Variants in PPM1K observed in about 807,000 individuals in gnomAD.
The protein encoded by PPM1K is protein phosphatase, Mg2+/Mn2+ dependent 1K.
A neutral mutation model predicts 32.6 loss-of-function variants in PPM1K; 19 were observed. That is an observed-to-expected ratio of 0.58 (90% CI 0.41 to 0.86). The LOEUF is 0.86. PPM1K is among the 40% of genes least tolerant of loss of function. The pLI, the probability that PPM1K is intolerant of heterozygous loss-of-function variation, is 0.00. For missense variants in PPM1K, 362 were observed against 461.2 expected, an observed-to-expected ratio of 0.78 and a Z score of 1.97; for synonymous variants, 159 against 165.3, an observed-to-expected ratio of 0.96 and a Z score of 0.29.
At chr4:88,276,000 A>G (rs1731751464) in intron 3 of PPM1K, 1 of 985,286 alleles carries the variant, frequency 1.0e-6, no homozygotes, top group South Asian at 4.7e-5. Context: ...GTGGACTGTA[A>G]TGCTTTCCTG....
Position 88,278,679 on chromosome 4 carries a change from G to T in PPM1K, c.-59-37C>A. Reference sequence around the variant, plus strand: ...ATGATGCAAGTCACAGGGGACAGAGGGAGAGAGGGGCAGAGGAGGAGAGGG... The same window carrying T: ...ATGATGCAAGTCACAGGGGACAGAGTGAGAGAGGGGCAGAGGAGGAGAGGG... On this transcript the variant is annotated intron_variant, in intron 1 of 6. Coordinates refer to ENST00000608933, the MANE Select transcript of PPM1K (RefSeq NM_152542.5). This position sits in a 1 kb window ranked among gnomAD's most constrained non-coding sequence, Gnocchi z 4.2. 3.1e-6 allele frequency: 3 copies of T among 974,744 alleles called. No homozygotes were observed. The East Asian group carries it at 7.7e-5, about 25-fold the overall frequency. The allele number at this position is 974,744 out of a possible 1,614,324, so 60.4% of individuals were successfully genotyped here.
rs1033624233 is a variant in PPM1K, at chr4:88,264,892, T to C, written c.987+109A>G. The stretch of plus-strand genomic sequence containing the variant: ...AAAAATTTTATAATTGGAAATATTA[T>C]GGAATCAAGTGTAAAATTCACTGCA... On this transcript the variant is annotated intron_variant, in intron 6 of 6. Transcript: ENST00000608933. The C allele has an allele frequency of 5.4e-6, 6 of 1,111,060 alleles. No individual in the cohort carries two copies. In the Admixed American group the frequency reaches 7.7e-5, roughly 14 times the overall value. The allele number at this position is 1,111,060 out of a possible 1,614,324, so 68.8% of individuals were successfully genotyped here. A position where few individuals can be genotyped will look rare whatever the true frequency, so the allele number is the denominator to read the frequency against.
Position 88,278,321 on chromosome 4 carries a change from G to A in PPM1K, c.263C>T (p.Pro88Leu), listed in dbSNP as rs141817481. Residue 88 changes from proline (P) to leucine (L), a missense_variant, in exon 2 of 7, where the codon CCC becomes CTC. Pro to Leu is a moderately conservative substitution (Grantham distance 98). Transcript: ENST00000608933. This position sits in a 1 kb window ranked among gnomAD's most constrained non-coding sequence, Gnocchi z 4.2. The part of the protein sequence containing the change: ...PPSIKYGKPI[P>L]KISLENVGCA... ...CCCCACATTTTCCAAGCTGATTTTG[G>A]GAATTGGCTTGCCATACTTAATGCT... is the stretch of plus-strand genomic sequence containing the variant. 1.9e-6 allele frequency: 3 copies of A among 1,614,028 alleles called. No individual in the cohort carries two copies. The highest frequency in any genetic ancestry group is 2.7e-5 in the African/African-American group (2 of 74,910).
intron 6 of PPM1K, among the ~76,000 whole-genome samples, chr4:88,263,897 A>G (rs72877286): frequency 0.024 from 3,588 of 152,328 alleles, 144 homozygotes; most frequent in African/African-American, 0.081. Flanking sequence ...TAGACATCAG[A>G]ATGTTTATTA....
At chr4:88,270,631 C>T (rs1455592812) in intron 3 of PPM1K, among the ~76,000 whole-genome samples, 1 of 152,162 alleles carries the variant, frequency 6.6e-6, no homozygotes, top group Non-Finnish European at 1.5e-5. Context: ...ATTTAATATT[C>T]CTTCCATTTG....
chr4:88,278,698 G>A lies in PPM1K; in HGVS notation c.-59-56C>T, dbSNP rs1011975503. 1 of 758,934 alleles carries A rather than the reference G, an allele frequency of 1.3e-6. No homozygotes were observed. The highest frequency in any genetic ancestry group is 1.8e-5 in the African/African-American group (1 of 56,894). The allele number at this position is 758,934 out of a possible 1,614,324, so 47.0% of individuals were successfully genotyped here. A position where few individuals can be genotyped will look rare whatever the true frequency, so the allele number is the denominator to read the frequency against. On this transcript the variant is annotated intron_variant, in intron 1 of 6. Transcript: ENST00000608933. This position sits in a 1 kb window ranked among gnomAD's most constrained non-coding sequence, Gnocchi z 4.2. ...ACAGAGGGAGAGAGGGGCAGAGGAG[G>A]AGAGGGAGAGAGACAGAGAGAGAGA...
chr4:88,276,757 G>A, intron 3 of PPM1K: 1 of 999,562 alleles, frequency 1.0e-6, no homozygotes, highest in Non-Finnish European at 1.2e-6. Flanking sequence ...GTGTATTTCA[G>A]CACTTGGTCA....
chr4:88,281,427 T>C (rs1447803753), intron 1 of PPM1K, among the ~76,000 whole-genome samples: 3 of 152,162 alleles, frequency 2.0e-5, no homozygotes, highest in Non-Finnish European at 4.4e-5. Flanking sequence ...AAATATCCAC[T>C]GGAAACATTT....
rs950951591 is a variant in PPM1K at position 88,275,380 on chromosome 4, A to C, written c.541+1763T>G. On this transcript the variant is annotated intron_variant, in intron 3 of 6. Transcript: ENST00000608933. ...TTTTTGTGACAAAGGTATCTTTAGA[A>C]AGTTTCTTTTAAGATAGGCAAGTTA... 5.1e-6 allele frequency: 5 copies of C among 978,390 alleles called. No individual in the cohort carries two copies. The African/African-American group carries it at 7.0e-5, about 14-fold the overall frequency. 60.6% of individuals were successfully genotyped at this position (978,390 alleles called of 1,614,324 possible). A position where few individuals can be genotyped will look rare whatever the true frequency, so the allele number is the denominator to read the frequency against.
intron 3 of PPM1K, chr4:88,276,302 A>G: frequency 1.0e-6 from 1 of 985,456 alleles, no homozygotes; most frequent in Non-Finnish European, 1.2e-6. Context: ...AGGATGAACC[A>G]AATACAGATC....
intron 6 of PPM1K, 48 bp downstream of exon 6, chr4:88,264,953 C>T: frequency 6.3e-7 from 1 of 1,584,578 alleles, no homozygotes; most frequent in Non-Finnish European, 8.6e-7. Flanking sequence ...CTGGACTGTC[C>T]TTTCCTTCCT....
rs1731826813 is a variant in PPM1K, at chr4:88,277,487, C to T, written c.441-244G>A. ...GTCCTTGAAGAATTGATCCTCACTA[C>T]CACAACCCTGAGAGGTCGAGAGTTC... On this transcript the variant is annotated intron_variant, in intron 2 of 6. Coordinates refer to ENST00000608933, the MANE Select transcript of PPM1K (RefSeq NM_152542.5). The T allele has an allele frequency of 7.1e-6, 3 of 424,522 alleles. No individual in the cohort carries two copies. The South Asian group carries it at 1.1e-4, about 15-fold the overall frequency. The allele number at this position is 424,522 out of a possible 1,614,324, so 26.3% of individuals were successfully genotyped here. A position where few individuals can be genotyped will look rare whatever the true frequency, so the allele number is the denominator to read the frequency against.
chr4:88,273,942 T>G (rs913042553), intron 3 of PPM1K, among the ~76,000 whole-genome samples: 1 of 152,178 alleles, frequency 6.6e-6, no homozygotes, highest in African/African-American at 2.4e-5. Context: ...TCATGCCCTA[T>G]GTAAATCAGA....
chr4:88,270,196 G>A (rs1272258844), intron 3 of PPM1K, among the ~76,000 whole-genome samples: 1 of 151,902 alleles, frequency 6.6e-6, no homozygotes, highest in African/African-American at 2.4e-5. Flanking sequence ...GTAATGCATT[G>A]GAAGGAGATA....
intron 5 of PPM1K, among the ~76,000 whole-genome samples, chr4:88,265,384 A>G (rs991327217): frequency 6.6e-5 from 10 of 152,210 alleles, no homozygotes; most frequent in Non-Finnish European, 8.8e-5. Context: ...TGCCGTTTTC[A>G]TAATAGTGAA....
Position 88,268,201 on chromosome 4 carries a change from T to A in PPM1K, c.841A>T (p.Lys281Ter). ...TSGVIAEPET[K>*]RIKLHHADDS... Reference sequence around the variant, plus strand: ...AGGTCCTTTCTTACCTTAATCCTCTTAGTTTCAGGTTCTGCTATGACACCA... The same window carrying A: ...AGGTCCTTTCTTACCTTAATCCTCTAAGTTTCAGGTTCTGCTATGACACCA... Residue 281 changes from lysine to a stop codon, truncating the protein, a stop_gained, in exon 5 of 7, where the codon AAG becomes TAG. Transcript: ENST00000608933. LOFTEE classifies it high-confidence loss of function. 1 of 1,614,116 alleles carries A rather than the reference T, an allele frequency of 6.2e-7. No individual in the cohort carries two copies. The highest frequency in any genetic ancestry group is 2.2e-5 in the East Asian group (1 of 44,882).
At chr4:88,275,622 G>C (rs1731734968) in intron 3 of PPM1K, 1 of 985,222 alleles carries the variant, frequency 1.0e-6, no homozygotes, top group African/African-American at 1.7e-5. Flanking sequence ...CAAAAACCTT[G>C]CCCAGTAAGC....
intron 1 of PPM1K, among the ~76,000 whole-genome samples, chr4:88,280,694 T>C (rs1444402029): frequency 6.6e-6 from 1 of 152,086 alleles, no homozygotes; most frequent in African/African-American, 2.4e-5. Flanking sequence ...GCCCAGGAGT[T>C]TGAGACTACC....
Position 88,259,326 on chromosome 4 carries a change from C to T in PPM1K, c.*3269G>A, listed in dbSNP as rs1398954353. 6.6e-6 allele frequency: 1 copy of T among 150,704 alleles called. No homozygotes were observed. Among genetic ancestry groups the T allele is most frequent in the Non-Finnish European group, 1.5e-5 (1 of 67,776 alleles). The allele number at this position is 150,704 out of a possible 1,614,324, so 9.3% of individuals were successfully genotyped here. On this transcript the variant is annotated 3_prime_UTR_variant, in exon 7 of 7. Coordinates refer to ENST00000608933, the MANE Select transcript of PPM1K (RefSeq NM_152542.5). ...AACGAACAGCTGATGGAGAACAGGACAGCATTTACTTCTGAATCTATAAAG... is the reference window on the plus strand; with the variant it reads ...AACGAACAGCTGATGGAGAACAGGATAGCATTTACTTCTGAATCTATAAAG...
Sources: gnomAD v4.1 joint callset for allele counts (sites outside exome capture counted in the v4.1 genomes callset) on GRCh38, gnomAD v4.1.1 for gene constraint, Gnocchi (gnomAD v3.1) non-coding constraint, MANE v1.5 for transcripts, NCBI Gene and HGNC (gene_info 2026-07-23, HGNC 2026-07-21) for gene names.